Variants in ENTPD7 observed in about 807,000 individuals in gnomAD.
The protein encoded by ENTPD7 is NTPDase 7.
In ENTPD7, 53 loss-of-function variants were observed where a neutral mutation model predicts 77.9. That is an observed-to-expected ratio of 0.68 (90% confidence interval 0.55 to 0.85). The LOEUF is 0.85. Ranked by LOEUF, ENTPD7 falls within the 40% of genes least tolerant of loss-of-function variation. The pLI is 0.00. For missense variants in ENTPD7, 636 were observed against 743.7 expected, an observed-to-expected ratio of 0.86 and a Z score of 1.68; for synonymous variants, 248 against 274.9, an observed-to-expected ratio of 0.90 and a Z score of 0.97.
At chr10:99,700,372 C>CTTT (rs1384928079) in intron 10 of ENTPD7, among the ~76,000 whole-genome samples, 1 of 150,884 alleles carries the variant, frequency 6.6e-6, no homozygotes. Context: ...TTTCCCTGAG[C>CTTT]ATTTATGTTA....
Position 99,706,604 on chromosome 10 carries a change from G to A in ENTPD7, c.*1921G>A, listed in dbSNP as rs1047275821. Among the ~76,000 whole-genome samples the A allele has an allele frequency of 6.6e-6, 1 of 151,976 alleles. No individual in the cohort carries two copies. Among genetic ancestry groups the A allele is most frequent in the African/African-American group, 2.4e-5 (1 of 41,356 alleles). On this transcript the variant is annotated 3_prime_UTR_variant, in exon 13 of 13. Coordinates refer to ENST00000370489, the MANE Select transcript of ENTPD7 (RefSeq NM_020354.5). ...CCCACCTCAGCCTCCCAAAGTGCTG[G>A]GATTACAAGCATGAGCTACTGCACC...
rs2036044141 is a variant in ENTPD7 at position 99,698,814 on chromosome 10, A to G, written c.1291A>G (p.Ile431Val). ...TTATTGTACAGAGGATGTGTTGCGC[A>G]TTGGTGGCCGCTACCATGGGCCAAC... ...FFYCTEDVLRIGGRYHGPTFA... is the reference protein window; with the variant it reads ...FFYCTEDVLRVGGRYHGPTFA... Residue 431 changes from isoleucine (I) to valine (V), a missense_variant, in exon 10 of 13, where the codon ATT becomes GTT. This residue lies in a region of ENTPD7 where 486 missense variants were observed against 556.5 expected (regional missense o/e 0.87). Transcript: ENST00000370489. The G allele has an allele frequency of 6.2e-7, 1 of 1,611,606 alleles. No individual in the cohort carries two copies. Among genetic ancestry groups the G allele is most frequent in the African/African-American group, 1.3e-5 (1 of 74,818 alleles).
chr10:99,669,042 C>CTTT (rs35881509), intron 3 of ENTPD7, among the ~76,000 whole-genome samples: 4 of 137,798 alleles, frequency 2.9e-5, no homozygotes, highest in Non-Finnish European at 4.7e-5. Context: ...TTTTATATAT[C>CTTT]TTTTTTTTTT....
At chr10:99,671,756 T>A (rs567380321) in intron 3 of ENTPD7, among the ~76,000 whole-genome samples, 28 of 152,314 alleles carry the variant, frequency 1.8e-4, no homozygotes, top group African/African-American at 6.5e-4. Flanking sequence ...CATTAGTGGG[T>A]AAAATTTTGT....
In ENTPD7 at chr10:99,708,415, A is replaced by G. The variant is rs2036293338; in HGVS notation, c.*3732A>G. Among the ~76,000 whole-genome samples the G allele has an allele frequency of 2.6e-5, 4 of 152,204 alleles. 1 individual carries two copies. In the South Asian group the frequency reaches 6.2e-4, roughly 24 times the overall value. On this transcript the variant is annotated 3_prime_UTR_variant, in exon 13 of 13. Coordinates refer to ENST00000370489, the MANE Select transcript of ENTPD7 (RefSeq NM_020354.5). ...AGTGGTATCACTTAAGGGAAAGAAC[A>G]GTAGGCTTAACGAATAGCAGACCTG...
At chr10:99,675,805 C>A (rs935467828) in intron 3 of ENTPD7, among the ~76,000 whole-genome samples, 1 of 151,934 alleles carries the variant, frequency 6.6e-6, no homozygotes, top group African/African-American at 2.4e-5. Context: ...ACCATGTTAG[C>A]CAGGATGGTC....
At chr10:99,660,452 A>T (rs968567096) in intron 2 of ENTPD7, 1 of 948,212 alleles carries the variant, frequency 1.1e-6, no homozygotes, top group African/African-American at 1.7e-5. Context: ...AAAGTTATAA[A>T]ATAAAGTGGG....
chr10:99,701,988 G>A (rs1041137539), intron 11 of ENTPD7, among the ~76,000 whole-genome samples: 1 of 152,028 alleles, frequency 6.6e-6, no homozygotes, highest in African/African-American at 2.4e-5. Flanking sequence ...GGTGGAGGTT[G>A]TAGTGAGCTG....
At position 99,706,062 on chromosome 10, in the gene ENTPD7, C is replaced by A. The variant is rs1055153082; in HGVS notation, c.*1379C>A. ...GGCTGGGAGCATTTTCTTTTCTTTT[C>A]GTCACCTTTGATTTTTGGGATTAGA... is the stretch of plus-strand genomic sequence containing the variant. On this transcript the variant is annotated 3_prime_UTR_variant, in exon 13 of 13. Coordinates refer to ENST00000370489, the MANE Select transcript of ENTPD7 (RefSeq NM_020354.5). 6.6e-6 allele frequency: 1 copy of A among 152,098 alleles called. No individual in the cohort carries two copies. The highest frequency in any genetic ancestry group is 2.4e-5 in the African/African-American group (1 of 41,420). The allele number at this position is 152,098 out of a possible 1,614,324, so 9.4% of individuals were successfully genotyped here.
intron 3 of ENTPD7, among the ~76,000 whole-genome samples, chr10:99,676,811 A>G (rs1051634205): frequency 6.6e-6 from 1 of 152,150 alleles, no homozygotes; most frequent in Non-Finnish European, 1.5e-5. Context: ...ACAGATTTTT[A>G]CCATCTGCTT....
At chr10:99,679,148 T>C (rs574710744) in intron 3 of ENTPD7, 113 bp from the exon 4 acceptor site, 1 of 953,984 alleles carries the variant, frequency 1.0e-6, no homozygotes, top group African/African-American at 1.6e-5. Flanking sequence ...GGTAGTCCCA[T>C]GTGCTTAGCA....
At chr10:99,703,128 G>T (rs2036175521) in intron 12 of ENTPD7, among the ~76,000 whole-genome samples, 1 of 152,190 alleles carries the variant, frequency 6.6e-6, no homozygotes. Context: ...AGGCTTTTTG[G>T]TGGGTCAGAA....
At chr10:99,702,747 C>CTT in intron 12 of ENTPD7, 74 bp downstream of exon 12, 54 of 1,124,652 alleles carry the variant, frequency 4.8e-5, no homozygotes, top group South Asian at 8.0e-5. Context: ...CGGTTTCTTT[C>CTT]TTTTTTTTTT....
chr10:99,666,868 T>G (rs2035557091), intron 3 of ENTPD7, among the ~76,000 whole-genome samples: 1 of 152,246 alleles, frequency 6.6e-6, no homozygotes, highest in Admixed American at 6.5e-5. Flanking sequence ...CGGTATACTT[T>G]CTACTGAATG....
chr10:99,703,810 C>T (rs1481121898), intron 12 of ENTPD7, among the ~76,000 whole-genome samples: 2 of 152,182 alleles, frequency 1.3e-5, no homozygotes, highest in African/African-American at 2.4e-5. Flanking sequence ...CAACCTTGAA[C>T]TCCTGGGCTC....
chr10:99,702,679 G>A lies in ENTPD7; in HGVS notation c.1583+6G>A, dbSNP rs1308659861. 1 of 1,603,042 alleles carries A rather than the reference G, an allele frequency of 6.2e-7. No individual in the cohort carries two copies. The highest frequency in any genetic ancestry group is 2.2e-5 in the East Asian group (1 of 44,624). ...ACACGATTCTTACCACTCAGGTAAA[G>A]TAAGACTGACCAATCTGGTATCTTG... On this transcript the variant is annotated splice_donor_region_variant and intron_variant, in intron 12 of 12. Coordinates refer to ENST00000370489, the MANE Select transcript of ENTPD7 (RefSeq NM_020354.5).
Position 99,701,034 on chromosome 10 carries a change from C to G in ENTPD7, c.1397C>G (p.Ser466Ter), listed in dbSNP as rs1463853923. ...AGATTCAAGAATGGCCTCTTTTCAT[C>G]ACATGCAGATGAGCATCGACTCAAG... is the stretch of plus-strand genomic sequence containing the variant. The part of the protein sequence containing the change: ...TQRFKNGLFS[S>*]HADEHRLKYQ... Residue 466 changes from serine to a stop codon, truncating the protein, a stop_gained, in exon 11 of 13, where the codon TCA becomes TGA. Coordinates refer to ENST00000370489, the MANE Select transcript of ENTPD7 (RefSeq NM_020354.5). LOFTEE classifies it high-confidence loss of function. The G allele has an allele frequency of 3.1e-6, 5 of 1,613,952 alleles. No individual in the cohort carries two copies. In the African/African-American group the frequency reaches 4.0e-5, roughly 13 times the overall value.
At chr10:99,675,973 G>A (rs2035676859) in intron 3 of ENTPD7, among the ~76,000 whole-genome samples, 1 of 152,070 alleles carries the variant, frequency 6.6e-6, no homozygotes, top group Non-Finnish European at 1.5e-5. Context: ...GATCTGAAAG[G>A]GCTGTTTAAT....
At chr10:99,691,898 T>C (rs1451689010) in intron 8 of ENTPD7, among the ~76,000 whole-genome samples, 1 of 152,224 alleles carries the variant, frequency 6.6e-6, no homozygotes, top group Non-Finnish European at 1.5e-5. Flanking sequence ...TATCTATTGT[T>C]CAATAAATGT....
Sources: allele counts gnomAD v4.1 joint callset (sites outside exome capture counted in the v4.1 genomes callset), GRCh38; gene constraint gnomAD v4.1.1; regional missense constraint gnomAD v4.1.1; transcripts MANE v1.5; gene names NCBI Gene and HGNC (gene_info 2026-07-23, HGNC 2026-07-21).